SLC24A2: variants seen among roughly 807,000 people sequenced by gnomAD.
The protein encoded by SLC24A2 is solute carrier family 24 member 2.
Under a neutral mutation model 62.0 loss-of-function variants are expected in SLC24A2, and 36 were observed. That is an observed-to-expected ratio of 0.58 (90% CI 0.44 to 0.77). The LOEUF (loss-of-function observed/expected upper bound fraction) is 0.77, where lower values mean the gene tolerates loss of function less well. Among genes scored for constraint, SLC24A2 ranks in the 30% least tolerant of loss-of-function variants. SLC24A2 has a pLI of 0.00. For missense variants in SLC24A2, 846 were observed against 817.9 expected (o/e 1.03, Z -0.42); for synonymous variants, 358 against 294.0 (o/e 1.22, Z -2.23).
At chr9:19,544,069 T>G (rs1834421149) in intron 8 of SLC24A2, among the ~76,000 whole-genome samples, 1 of 152,112 alleles carries the variant, frequency 6.6e-6, no homozygotes, top group Admixed American at 6.5e-5. Context: ...AGTGTAAGTC[T>G]CTTTGTGGAT....
At chr9:19,986,874 C>A in the SLC24A2 span, among the ~76,000 whole-genome samples, 2 of 152,050 alleles carry the variant, frequency 1.3e-5, no homozygotes, top group South Asian at 4.2e-4. Context: ...GGTAGTTGCA[C>A]AATATTGTGA....
chr9:19,789,859 T>C (rs114147852), upstream of SLC24A2, among the ~76,000 whole-genome samples: 593 of 152,232 alleles, frequency 3.9e-3, 5 homozygotes, highest in African/African-American at 0.014. Flanking sequence ...TCGCACATTT[T>C]CCCCTCTCCT....
At chr9:20,223,943 GA>G in the SLC24A2 span, among the ~76,000 whole-genome samples, 2 of 149,694 alleles carry the variant, frequency 1.3e-5, no homozygotes, top group African/African-American at 4.9e-5. Flanking sequence ...AGGCGAAAGG[GA>G]AGCAAGTACC....
At chr9:19,737,784 A>G (rs1409953) in intron 2 of SLC24A2, among the ~76,000 whole-genome samples, 2,638 of 152,146 alleles carry the variant, frequency 0.017, 102 homozygotes, top group African/African-American at 0.06. Context: ...AAAATATGAC[A>G]TTTAAAATTT....
the SLC24A2 span, among the ~76,000 whole-genome samples, chr9:19,855,508 T>C: frequency 6.6e-6 from 1 of 152,192 alleles, no homozygotes; most frequent in African/African-American, 2.4e-5. Flanking sequence ...CCTCAGCATT[T>C]GCTTGTCTGA....
intron 2 of SLC24A2, among the ~76,000 whole-genome samples, chr9:19,765,423 A>C (rs1219369055): frequency 6.6e-6 from 1 of 152,158 alleles, no homozygotes; most frequent in Non-Finnish European, 1.5e-5. Context: ...TTGTTTTTGC[A>C]GTGGCTGGTA....
chr9:19,671,303 A>T (rs923207333), intron 2 of SLC24A2, among the ~76,000 whole-genome samples: 2 of 150,398 alleles, frequency 1.3e-5, no homozygotes, highest in African/African-American at 4.8e-5. Context: ...TATTATTATT[A>T]TTTTTTGCAG....
chr9:19,767,769 T>A (rs147418936), intron 2 of SLC24A2, among the ~76,000 whole-genome samples: 1 of 152,208 alleles, frequency 6.6e-6, no homozygotes, highest in Admixed American at 6.5e-5. Flanking sequence ...CAGGAACTTA[T>A]CTGTAAAATC....
the SLC24A2 span, among the ~76,000 whole-genome samples, chr9:19,946,232 G>A: frequency 6.6e-6 from 1 of 152,112 alleles, no homozygotes; most frequent in Admixed American, 6.5e-5. Context: ...ATAATTAAGT[G>A]GAGCCCTAAT....
chr9:19,693,546 C>G (rs550474686), intron 2 of SLC24A2, among the ~76,000 whole-genome samples: 1 of 152,242 alleles, frequency 6.6e-6, no homozygotes, highest in African/African-American at 2.4e-5. Flanking sequence ...TAAACTCTTA[C>G]TCTTTATATA....
the SLC24A2 span, among the ~76,000 whole-genome samples, chr9:20,007,092 AC>A: frequency 1.4e-3 from 218 of 152,280 alleles, no homozygotes; most frequent in African/African-American, 5.0e-3. Flanking sequence ...CATGCTAAGG[AC>A]TGGTAAATCA....
At chr9:19,938,190 G>C in the SLC24A2 span, among the ~76,000 whole-genome samples, 1 of 151,992 alleles carries the variant, frequency 6.6e-6, no homozygotes, top group African/African-American at 2.4e-5. Context: ...TTAAAAGTCT[G>C]TATAACCCAT....
chr9:19,788,397 C>G, intron 1 of SLC24A2: 1 of 606,812 alleles, frequency 1.6e-6, no homozygotes, highest in Non-Finnish European at 2.1e-6. Context: ...CCTGAAAACC[C>G]ACCGCTCGTC....
the SLC24A2 span, among the ~76,000 whole-genome samples, chr9:20,263,295 C>T: frequency 6.6e-6 from 1 of 152,136 alleles, no homozygotes; most frequent in African/African-American, 2.4e-5. Flanking sequence ...CTCTGTTGCC[C>T]AGGCTGGCCT....
At chr9:19,666,570 T>C (rs1819259935) in intron 2 of SLC24A2, among the ~76,000 whole-genome samples, 1 of 152,198 alleles carries the variant, frequency 6.6e-6, no homozygotes, top group Non-Finnish European at 1.5e-5. Context: ...TTCTGTCTGT[T>C]TGTGCAACTA....
At chr9:20,153,159 G>T in the SLC24A2 span, among the ~76,000 whole-genome samples, 1 of 151,880 alleles carries the variant, frequency 6.6e-6, no homozygotes, top group African/African-American at 2.4e-5. Context: ...TTGATGTTTT[G>T]CTCTGTAACA....
chr9:19,874,024 T>TA, the SLC24A2 span, among the ~76,000 whole-genome samples: 3 of 151,916 alleles, frequency 2.0e-5, no homozygotes, highest in Non-Finnish European at 4.4e-5. Context: ...CAATTTAAGG[T>TA]AAAAATTCTA....
At chr9:19,775,523 G>C (rs148248249) in intron 2 of SLC24A2, among the ~76,000 whole-genome samples, 1 of 152,246 alleles carries the variant, frequency 6.6e-6, no homozygotes, top group Admixed American at 6.5e-5. Flanking sequence ...TAGATGGTGT[G>C]TGTGCTTGGA....
chr9:19,889,203 G>T, the SLC24A2 span, among the ~76,000 whole-genome samples: 2 of 152,164 alleles, frequency 1.3e-5, no homozygotes, highest in Non-Finnish European at 2.9e-5. Flanking sequence ...ACACTGGGAA[G>T]GATATTCTGG....
Sources: allele counts gnomAD v4.1 joint callset (sites outside exome capture counted in the v4.1 genomes callset), GRCh38; gene constraint gnomAD v4.1.1; transcripts MANE v1.5; gene names NCBI Gene and HGNC (gene_info 2026-07-23, HGNC 2026-07-21).